Variants in PALLD observed in about 807,000 individuals in gnomAD.
The protein encoded by PALLD is palladin.
PALLD carries 61 observed loss-of-function variants against 123.5 expected under a neutral mutation model. The observed-to-expected ratio is 0.49, with a 90% CI of 0.40 to 0.61. The LOEUF is 0.61. Among genes scored for constraint, PALLD ranks in the 20% least tolerant of loss-of-function variants. PALLD has a pLI of 0.00. For missense variants in PALLD, 1,273 were observed against 1,377.0 expected (o/e 0.92, Z 1.20); for synonymous variants, 465 against 496.4 (o/e 0.94, Z 0.84).
chr4:168,825,058 C>A (rs1312560178), intron 10 of PALLD, among the ~76,000 whole-genome samples: 2 of 151,080 alleles, frequency 1.3e-5, no homozygotes, highest in African/African-American at 4.9e-5. Context: ...TCAAGTGATC[C>A]TCCCACCTTG....
chr4:168,890,049 T>C (rs1405937202), intron 10 of PALLD, among the ~76,000 whole-genome samples: 1 of 152,224 alleles, frequency 6.6e-6, no homozygotes, highest in African/African-American at 2.4e-5. Context: ...CATTGCTTAG[T>C]ATTCTATTTC....
At chr4:168,713,746 A>AAT (rs1358730519) in intron 10 of PALLD, among the ~76,000 whole-genome samples, 2 of 150,708 alleles carry the variant, frequency 1.3e-5, no homozygotes, top group Non-Finnish European at 3.0e-5. Flanking sequence ...ATAAAATATG[A>AAT]ATATATATAA....
At chr4:168,923,949 A>G (rs1305455010) in intron 18 of PALLD, among the ~76,000 whole-genome samples, 2 of 152,168 alleles carry the variant, frequency 1.3e-5, no homozygotes, top group Non-Finnish European at 2.9e-5. Context: ...AAGCCATCAC[A>G]GATGCTAGCA....
At chr4:168,708,879 A>C in intron 8 of PALLD, 149 bp from the exon 9 acceptor site, 1 of 756,480 alleles carries the variant, frequency 1.3e-6, no homozygotes. Flanking sequence ...AATTAAATGT[A>C]AAGAGATTCT....
chr4:168,664,607 C>T (rs1779442690), intron 2 of PALLD, among the ~76,000 whole-genome samples: 1 of 151,984 alleles, frequency 6.6e-6, no homozygotes, highest in Non-Finnish European at 1.5e-5. Flanking sequence ...TAAATTTGCC[C>T]AGTAAGGTAT....
At chr4:168,554,260 C>G (rs962595388) in intron 2 of PALLD, among the ~76,000 whole-genome samples, 1 of 152,132 alleles carries the variant, frequency 6.6e-6, no homozygotes, top group African/African-American at 2.4e-5. Context: ...GTTTTTTTCT[C>G]TCCATTAAGA....
intron 10 of PALLD, among the ~76,000 whole-genome samples, chr4:168,728,476 A>G (rs1786814439): frequency 6.6e-6 from 1 of 151,974 alleles, no homozygotes; most frequent in Non-Finnish European, 1.5e-5. Context: ...TGTAAATTGG[A>G]TTGTGTTCTT....
Position 168,511,495 on chromosome 4 carries a change from C to T in PALLD, c.-10C>T, listed in dbSNP as rs755538256. 1.2e-6 allele frequency: 2 copies of T among 1,608,990 alleles called. No individual in the cohort carries two copies. The highest frequency in any genetic ancestry group is 1.1e-5 in the South Asian group (1 of 90,980). On this transcript the variant is annotated 5_prime_UTR_variant, in exon 2 of 22. Transcript: ENST00000505667. ...AAAGCAGACACAGAGTGCATGAAGA[C>T]CGTTCAAATATGTCAGGGACCTCCT...
At chr4:168,812,261 A>T (rs1308875562) in intron 10 of PALLD, among the ~76,000 whole-genome samples, 1 of 152,202 alleles carries the variant, frequency 6.6e-6, no homozygotes. Context: ...CCCTTGTCCA[A>T]GCTTGGCCTC....
chr4:168,578,973 T>C (rs1769944175), intron 2 of PALLD, among the ~76,000 whole-genome samples: 1 of 152,160 alleles, frequency 6.6e-6, no homozygotes, highest in Non-Finnish European at 1.5e-5. Flanking sequence ...CAATTTCTAG[T>C]TTTAACCAAC....
chr4:168,894,370 C>T lies in PALLD; in HGVS notation c.2101-209C>T, dbSNP rs1395820676. ...AAATTTGTGCTGTACCAATTGGTGG[C>T]TCTCTGGATTAGGCCATTAGTACTA... On this transcript the variant is annotated intron_variant, in intron 11 of 21. Transcript: ENST00000505667. 6.9e-6 allele frequency: 4 copies of T among 580,984 alleles called. No homozygotes were observed. In the East Asian group the frequency reaches 1.2e-4, roughly 17 times the overall value. 36.0% of individuals were successfully genotyped at this position (580,984 alleles called of 1,614,324 possible). A position where few individuals can be genotyped will look rare whatever the true frequency, so the allele number is the denominator to read the frequency against.
At chr4:168,852,521 G>A (rs1036470421) in intron 10 of PALLD, among the ~76,000 whole-genome samples, 2 of 152,134 alleles carry the variant, frequency 1.3e-5, no homozygotes, top group African/African-American at 4.8e-5. Context: ...CACACCTGTA[G>A]TGCCAGCTAC....
rs1447999815 is a variant in PALLD at position 168,924,931 on chromosome 4, A to T, written c.3225-14A>T. On this transcript the variant is annotated splice_polypyrimidine_tract_variant and intron_variant, in intron 19 of 21. Transcript: ENST00000505667. ...AAAAATTTAGAACCCTAATGACTTT[A>T]TCCTTTTCTCCAGCATGCACCAGGA... The T allele has an allele frequency of 1.9e-6, 3 of 1,614,052 alleles. No individual in the cohort carries two copies. Among genetic ancestry groups the T allele is most frequent in the African/African-American group, 2.7e-5 (2 of 75,034 alleles).
In PALLD at chr4:168,724,106, G is replaced by T. The variant is rs1305782189; in HGVS notation, c.1964+12183G>T. Among the ~76,000 whole-genome samples the T allele has an allele frequency of 4.6e-5, 7 of 152,182 alleles. No homozygotes were observed. In the East Asian group the frequency reaches 1.4e-3, roughly 29 times the overall value. On this transcript the variant is annotated intron_variant, in intron 10 of 21. Coordinates refer to ENST00000505667, the MANE Select transcript of PALLD (RefSeq NM_001166108.2). ...GACAGGGTTTCACCACGTTGACCAG[G>T]ATGGTCTTGATCTCTTGACCTCGTG...
chr4:168,526,296 A>G (rs1764037101), intron 2 of PALLD, among the ~76,000 whole-genome samples: 1 of 152,154 alleles, frequency 6.6e-6, no homozygotes, highest in Non-Finnish European at 1.5e-5. Context: ...TTGCCTTTGG[A>G]TAGTTTTCTG....
At chr4:168,868,569 C>T (rs1288712882) in intron 10 of PALLD, among the ~76,000 whole-genome samples, 1 of 152,162 alleles carries the variant, frequency 6.6e-6, no homozygotes, top group Non-Finnish European at 1.5e-5. Context: ...CAGCCATAAG[C>T]GATTCCTGGC....
intron 2 of PALLD, among the ~76,000 whole-genome samples, chr4:168,650,365 T>A (rs1335671485): frequency 6.6e-6 from 1 of 152,226 alleles, no homozygotes; most frequent in Non-Finnish European, 1.5e-5. Flanking sequence ...ACCACGATGG[T>A]ATAGAATAGA....
rs561893774 is a variant in PALLD at position 168,807,045 on chromosome 4, A to T, written c.1965-83877A>T. Among the ~76,000 whole-genome samples, 5 of 152,322 alleles carry T rather than the reference A, an allele frequency of 3.3e-5. No individual in the cohort carries two copies. The South Asian group carries it at 1.0e-3, about 32-fold the overall frequency. ...TGCGGACTCCACGGTGCCTAACCACAACACTTCAATACCCAGGGCGATGAG... is the reference window on the plus strand; with the variant it reads ...TGCGGACTCCACGGTGCCTAACCACTACACTTCAATACCCAGGGCGATGAG... On this transcript the variant is annotated intron_variant, in intron 10 of 21. Transcript: ENST00000505667.
intron 2 of PALLD, among the ~76,000 whole-genome samples, chr4:168,513,653 C>T (rs1762734497): frequency 6.6e-6 from 1 of 152,084 alleles, no homozygotes; most frequent in South Asian, 2.1e-4. Flanking sequence ...AGTAGTGTTA[C>T]CTATTATCTT....
Sources: allele counts gnomAD v4.1 joint callset (sites outside exome capture counted in the v4.1 genomes callset), GRCh38; gene constraint gnomAD v4.1.1; transcripts MANE v1.5; gene names NCBI Gene and HGNC (gene_info 2026-07-23, HGNC 2026-07-21).